The following CD302 variants were observed in gnomAD, a reference collection of about 807,000 sequenced individuals.
CD302 encodes the protein CD302 antigen.
A neutral mutation model predicts 26.5 loss-of-function variants in CD302; 23 were observed. That is an observed-to-expected ratio of 0.87 (90% CI 0.62 to 1.23). The LOEUF is 1.23. Among genes scored for constraint, CD302 ranks in the 50% most tolerant of loss-of-function variants. CD302 has a pLI of 0.00. For synonymous variants in CD302, 90 were observed against 99.4 expected, an observed-to-expected ratio of 0.91 and a Z score of 0.56; for missense variants, 290 against 275.5, an observed-to-expected ratio of 1.05 and a Z score of -0.37.
chr2:159,793,395 C>T (rs1487152233), intron 1 of CD302, among the ~76,000 whole-genome samples: 2 of 151,776 alleles, frequency 1.3e-5, no homozygotes, highest in Non-Finnish European at 2.9e-5. Flanking sequence ...ATAGAACTCT[C>T]TGTTCCTTTA....
At chr2:159,778,943 CCTT>C (rs1241477517) in intron 4 of CD302, among the ~76,000 whole-genome samples, 3 of 151,856 alleles carry the variant, frequency 2.0e-5, no homozygotes, top group South Asian at 2.1e-4. Flanking sequence ...CATTAAAAAA[CCTT>C]CTGGGCCGGG....
At chr2:159,785,905 T>C (rs2059698) in intron 1 of CD302, among the ~76,000 whole-genome samples, 41,331 of 152,070 alleles carry the variant, frequency 0.27, 6,607 homozygotes, top group South Asian at 0.44. Context: ...GACAGACTTA[T>C]GTTTTTATCT....
At chr2:159,774,783 T>C (rs1708260941) in intron 5 of CD302, among the ~76,000 whole-genome samples, 1 of 152,224 alleles carries the variant, frequency 6.6e-6, no homozygotes, top group South Asian at 2.1e-4. Context: ...ACCTTAATTC[T>C]GTTGAAAGTA....
chr2:159,798,172 G>C lies in CD302; in HGVS notation c.27C>G (p.Leu9=). 2 of 1,481,260 alleles carry C rather than the reference G, an allele frequency of 1.4e-6. No individual in the cohort carries two copies. Among genetic ancestry groups the C allele is most frequent in the Non-Finnish European group, 1.8e-6 (2 of 1,121,792 alleles). 91.8% of individuals were successfully genotyped at this position (1,481,260 alleles called of 1,614,324 possible). Residue 9 remains leucine, a synonymous_variant, in exon 1 of 6, where the codon CTC becomes CTG. Coordinates refer to ENST00000259053, the MANE Select transcript of CD302 (RefSeq NM_014880.5). MLRAALPA[L]LLPLLGLAAA... Reference sequence around the variant, plus strand: ...CGGCGAGGCCCAGCAACGGCAGCAGGAGCGCGGGCAGCGCGGCCCGGAGCA... The same window carrying C: ...CGGCGAGGCCCAGCAACGGCAGCAGCAGCGCGGGCAGCGCGGCCCGGAGCA...
chr2:159,773,106 C>T (rs1708206485), intron 5 of CD302, among the ~76,000 whole-genome samples: 1 of 152,224 alleles, frequency 6.6e-6, no homozygotes, highest in African/African-American at 2.4e-5. Flanking sequence ...GCAACCTCCG[C>T]CTTCTGGGTG....
intron 1 of CD302, among the ~76,000 whole-genome samples, chr2:159,783,839 T>C (rs1708588955): frequency 6.6e-6 from 1 of 152,206 alleles, no homozygotes; most frequent in Non-Finnish European, 1.5e-5. Context: ...ATTTAACAAT[T>C]TCAAAAGTCT....
chr2:159,789,599 C>G (rs2125811849), intron 1 of CD302, among the ~76,000 whole-genome samples: 1 of 151,762 alleles, frequency 6.6e-6, no homozygotes, highest in East Asian at 1.9e-4. Flanking sequence ...CTATCAAATG[C>G]CAAACACTGT....
intron 3 of CD302, 67 bp downstream of exon 3, chr2:159,780,815 G>C: frequency 1.6e-5 from 23 of 1,404,576 alleles, no homozygotes; most frequent in Non-Finnish European, 2.3e-5. Flanking sequence ...GAATTGAAAA[G>C]CCATCAGTTT....
At chr2:159,773,951 T>G (rs1324561816) in intron 5 of CD302, among the ~76,000 whole-genome samples, 1 of 152,136 alleles carries the variant, frequency 6.6e-6, no homozygotes, top group African/African-American at 2.4e-5. Context: ...CAAGCTCACT[T>G]TTTCATTTCT....
chr2:159,775,462 G>A (rs909659051), intron 5 of CD302, among the ~76,000 whole-genome samples: 2 of 152,010 alleles, frequency 1.3e-5, no homozygotes, highest in Non-Finnish European at 2.9e-5. Flanking sequence ...ATACATTTAC[G>A]TAGCTTAAAA....
At chr2:159,780,425 A>C (rs1708472161) in intron 3 of CD302, among the ~76,000 whole-genome samples, 1 of 152,032 alleles carries the variant, frequency 6.6e-6, no homozygotes, top group South Asian at 2.1e-4. Context: ...TTCTCATGGG[A>C]AAAAAGTCAA....
chr2:159,791,557 A>C (rs1708807577), intron 1 of CD302, among the ~76,000 whole-genome samples: 1 of 152,208 alleles, frequency 6.6e-6, no homozygotes, highest in African/African-American at 2.4e-5. Context: ...TTCCCAAATG[A>C]TTGTTAACGC....
rs1271750830 is a variant in CD302, at chr2:159,771,162, A to G, written c.*689T>C. Reference sequence around the variant, plus strand: ...GGAAAGTACAAAAGGTATGGTGGCAAGAGAGAAATCCTTAAAGGGGCACTA... The same window carrying G: ...GGAAAGTACAAAAGGTATGGTGGCAGGAGAGAAATCCTTAAAGGGGCACTA... On this transcript the variant is annotated 3_prime_UTR_variant, in exon 6 of 6. Coordinates refer to ENST00000259053, the MANE Select transcript of CD302 (RefSeq NM_014880.5). The G allele has an allele frequency of 6.6e-6, 1 of 152,224 alleles. No individual in the cohort carries two copies. The highest frequency in any genetic ancestry group is 1.5e-5 in the Non-Finnish European group (1 of 68,046). 9.4% of individuals were successfully genotyped at this position (152,224 alleles called of 1,614,324 possible).
chr2:159,772,174 T>A, intron 5 of CD302, 121 bp from the exon 6 acceptor site: 2 of 1,231,930 alleles, frequency 1.6e-6, no homozygotes, highest in Non-Finnish European at 2.2e-6. Context: ...TTTCCCACAC[T>A]GATGAGAAAA....
At chr2:159,782,306 G>A (rs12465980) in intron 2 of CD302, among the ~76,000 whole-genome samples, 87,836 of 150,686 alleles carry the variant, frequency 0.58, 25,861 homozygotes, top group Admixed American at 0.69. Flanking sequence ...CCAGCTACTC[G>A]GGAGGCTGAG....
rs1708071121 is a variant in CD302, at chr2:159,769,643, CATATATATATATA to C, written c.*2195_*2207del. ...CCTGGGCAGCACAGTGAGACTCCAT[CATATATATATATA>C]TAGCACTTCATTACCAGAGGCCTCT... On this transcript the variant is annotated 3_prime_UTR_variant, in exon 6 of 6. Transcript: ENST00000259053. The C allele has an allele frequency of 6.6e-6, 1 of 150,892 alleles. No homozygotes were observed. The highest frequency in any genetic ancestry group is 1.5e-5 in the Non-Finnish European group (1 of 67,608). The allele number at this position is 150,892 out of a possible 1,614,324, so 9.3% of individuals were successfully genotyped here.
In CD302 at chr2:159,771,401, G is replaced by C. The variant is rs543910987; in HGVS notation, c.*450C>G. The C allele has an allele frequency of 6.5e-6, 1 of 153,516 alleles. No individual in the cohort carries two copies. Among genetic ancestry groups the C allele is most frequent in the Non-Finnish European group, 1.5e-5 (1 of 68,934 alleles). The allele number at this position is 153,516 out of a possible 1,614,324, so 9.5% of individuals were successfully genotyped here. On this transcript the variant is annotated 3_prime_UTR_variant, in exon 6 of 6. Transcript: ENST00000259053. ...AAATCATAAAAAGATACACATTCTA[G>C]AGGAATTATCTGCCAAAAAAATAAC...
intron 5 of CD302, among the ~76,000 whole-genome samples, chr2:159,776,708 TTTTTTTTTTTTTTTG>T (rs955660935): frequency 3.0e-5 from 1 of 32,888 alleles, no homozygotes; most frequent in Non-Finnish European, 7.1e-5. Flanking sequence ...TTTTTTTTTT[TTTTTTTTTTTTTTTG>T]TGAGATGGAG....
At chr2:159,795,896 G>C (rs769389640) in intron 1 of CD302, among the ~76,000 whole-genome samples, 3 of 152,212 alleles carry the variant, frequency 2.0e-5, no homozygotes, top group East Asian at 3.8e-4. Context: ...TGTTCACTCA[G>C]CTCATGCCAG....
Sources: allele counts gnomAD v4.1 joint callset (sites outside exome capture counted in the v4.1 genomes callset), GRCh38; gene constraint gnomAD v4.1.1; transcripts MANE v1.5; gene names NCBI Gene and HGNC (gene_info 2026-07-23, HGNC 2026-07-21).